Variants in BRD4 observed in about 807,000 individuals in gnomAD.
BRD4 encodes bromodomain containing 4, also known as bromodomain-containing protein 4.
A neutral mutation model predicts 142.1 loss-of-function variants in BRD4; 16 were observed. The observed-to-expected ratio is 0.11, with a 90% CI of 0.08 to 0.17. The LOEUF is 0.17. Ranked by LOEUF, BRD4 falls within the 10% of genes least tolerant of loss-of-function variation. BRD4 has a pLI of 1.00. For synonymous variants in BRD4, 833 were observed against 707.5 expected, an observed-to-expected ratio of 1.18 and a Z score of -2.82; for missense variants, 1,424 against 1,810.9, an observed-to-expected ratio of 0.79 and a Z score of 3.88.
chr19:15,285,612 CATAAATAA>C (rs1182151232), intron 1 of BRD4, among the ~76,000 whole-genome samples: 1 of 151,978 alleles, frequency 6.6e-6, no homozygotes, highest in Non-Finnish European at 1.5e-5. Flanking sequence ...GTGCATCACA[CATAAATAA>C]AGCCTTAGAC....
At chr19:15,298,612 C>A (rs916005463) in intron 1 of BRD4, among the ~76,000 whole-genome samples, 2 of 83,752 alleles carry the variant, frequency 2.4e-5, no homozygotes, top group South Asian at 5.1e-4. Flanking sequence ...CAGGGCGAGA[C>A]TCCAACTCAA....
intron 14 of BRD4, among the ~76,000 whole-genome samples, chr19:15,240,917 CCCATCTCCTT>C (rs2047233183): frequency 1.3e-5 from 2 of 152,330 alleles, no homozygotes; most frequent in South Asian, 4.1e-4. Context: ...TAGCCTCATG[CCCATCTCCTT>C]CCACTGTCTG....
chr19:15,248,719 C>G, intron 11 of BRD4: 1 of 226,704 alleles, frequency 4.4e-6, no homozygotes, highest in South Asian at 1.8e-4. Flanking sequence ...CCTCACTGAG[C>G]CTTCCAGGGT....
At chr19:15,329,847 C>G (rs1306135528) in intron 1 of BRD4, among the ~76,000 whole-genome samples, 1 of 152,198 alleles carries the variant, frequency 6.6e-6, no homozygotes, top group East Asian at 1.9e-4. Context: ...CCCCCACCTC[C>G]TAAAGCAAAA....
chr19:15,238,295 TCCCACCTCCACCA>T lies in BRD4; in HGVS notation c.*69_*81del. On this transcript the variant is annotated 3_prime_UTR_variant, in exon 20 of 20. Coordinates refer to ENST00000679869, the MANE Select transcript of BRD4 (RefSeq NM_001379291.1). The surrounding 1 kb of genome is among the most constrained non-coding windows in gnomAD (Gnocchi z 7.2). ...CCCTGAGGCATCCCCTGGCCGCTGA[TCCCACCTCCACCA>T]CCGCCCCTAACACTATGGAAAGTCA... 1 of 1,591,586 alleles carries T rather than the reference TCCCACCTCCACCA, an allele frequency of 6.3e-7. No homozygotes were observed. Among genetic ancestry groups the T allele is most frequent in the Non-Finnish European group, 8.6e-7 (1 of 1,167,412 alleles).
At chr19:15,301,312 C>T (rs2047865517) in intron 1 of BRD4, among the ~76,000 whole-genome samples, 1 of 152,192 alleles carries the variant, frequency 6.6e-6, no homozygotes, top group African/African-American at 2.4e-5. Flanking sequence ...CCTGTAATCC[C>T]AGCACTTTGG....
At chr19:15,242,859 A>T in intron 14 of BRD4, 41 bp downstream of exon 14, 1 of 1,573,690 alleles carries the variant, frequency 6.4e-7, no homozygotes, top group Non-Finnish European at 8.6e-7. Flanking sequence ...CTATAGGCCC[A>T]GCACCAGCCT....
chr19:15,246,037 A>AAGACAC (rs1157886253), intron 11 of BRD4, among the ~76,000 whole-genome samples: 2 of 152,212 alleles, frequency 1.3e-5, no homozygotes, highest in African/African-American at 4.8e-5. Context: ...CACGCCAGAC[A>AAGACAC]AGACACAGAC....
chr19:15,256,885 C>T, intron 8 of BRD4, 79 bp downstream of exon 8: 1 of 1,304,206 alleles, frequency 7.7e-7, no homozygotes, highest in African/African-American at 1.5e-5. Flanking sequence ...GAACCAAGAA[C>T]ATCTCTTAGA....
intron 1 of BRD4, among the ~76,000 whole-genome samples, chr19:15,301,787 G>T (rs1041154662): frequency 6.6e-6 from 1 of 150,888 alleles, no homozygotes; most frequent in Non-Finnish European, 1.5e-5. Context: ...TGTGAACCTG[G>T]GAGGCAGAGG....
At chr19:15,330,080 C>G (rs2048143861) in intron 1 of BRD4, among the ~76,000 whole-genome samples, 1 of 152,242 alleles carries the variant, frequency 6.6e-6, no homozygotes, top group South Asian at 2.1e-4. Flanking sequence ...AACTCAGCAG[C>G]TACCTTCTTA....
chr19:15,249,055 G>A lies in BRD4; in HGVS notation c.2159-4293C>T, dbSNP rs977083221. On this transcript the variant is annotated intron_variant, in intron 11 of 19. Coordinates refer to ENST00000679869, the MANE Select transcript of BRD4 (RefSeq NM_001379291.1). The stretch of plus-strand genomic sequence containing the variant: ...GACAGCCAGGCAGTCTTTACACAGA[G>A]AGGCCTGGGCGGCTGGCCAGGCAGG... 5 of 631,936 alleles carry A rather than the reference G, an allele frequency of 7.9e-6. No individual in the cohort carries two copies. The Admixed American group carries it at 8.7e-5, about 11-fold the overall frequency. The allele number at this position is 631,936 out of a possible 1,614,324, so 39.1% of individuals were successfully genotyped here.
At chr19:15,308,267 G>T (rs2047934722) in intron 1 of BRD4, among the ~76,000 whole-genome samples, 1 of 145,088 alleles carries the variant, frequency 6.9e-6, no homozygotes, top group African/African-American at 2.5e-5. Flanking sequence ...CTCCAGCCTG[G>T]GCAACACAGT....
intron 1 of BRD4, among the ~76,000 whole-genome samples, chr19:15,321,419 C>G (rs768680869): frequency 6.6e-6 from 1 of 151,226 alleles, no homozygotes; most frequent in Non-Finnish European, 1.5e-5. Flanking sequence ...GGGCAGAGAC[C>G]AGCTACAGGC....
chr19:15,294,161 T>C (rs2047805277), intron 1 of BRD4, among the ~76,000 whole-genome samples: 1 of 152,258 alleles, frequency 6.6e-6, no homozygotes, highest in East Asian at 1.9e-4. Flanking sequence ...TTCGCAAATG[T>C]AATGATTTTC....
chr19:15,271,143 C>T (rs981239114), intron 2 of BRD4, among the ~76,000 whole-genome samples: 6 of 152,162 alleles, frequency 3.9e-5, no homozygotes, highest in African/African-American at 1.4e-4. Context: ...TGGGATGCTG[C>T]TGCTTCTCGG....
At chr19:15,311,054 G>T (rs566447349) in intron 1 of BRD4, among the ~76,000 whole-genome samples, 159 of 151,878 alleles carry the variant, frequency 1.0e-3, no homozygotes, top group Non-Finnish European at 4.4e-5. Flanking sequence ...ACTTTGGGAG[G>T]CCGAGGCAGG....
intron 1 of BRD4, among the ~76,000 whole-genome samples, chr19:15,300,497 G>A (rs983061666): frequency 6.6e-6 from 1 of 152,166 alleles, no homozygotes. Context: ...AGAGGTTGCA[G>A]TGAGCAGAGA....
chr19:15,248,569 G>T (rs2047312697), intron 11 of BRD4: 2 of 225,306 alleles, frequency 8.9e-6, no homozygotes, highest in Non-Finnish European at 1.8e-5. Flanking sequence ...AAGAAACTGG[G>T]GAAATGCCCA....
Sources: allele counts gnomAD v4.1 joint callset (sites outside exome capture counted in the v4.1 genomes callset), GRCh38; gene constraint gnomAD v4.1.1; non-coding constraint Gnocchi (gnomAD v3.1); transcripts MANE v1.5; gene names NCBI Gene and HGNC (gene_info 2026-07-23, HGNC 2026-07-21).